Variants in CACNG3 observed in about 807,000 individuals in gnomAD.
CACNG3 encodes the protein calcium voltage-gated channel auxiliary subunit gamma 3.
A neutral mutation model predicts 28.5 loss-of-function variants in CACNG3; 3 were observed. That is an observed-to-expected ratio of 0.11 (90% CI 0.05 to 0.27). CACNG3 has a LOEUF of 0.27. Ranked by LOEUF, CACNG3 falls within the 10% of genes least tolerant of loss-of-function variation. CACNG3 has a pLI of 1.00. For synonymous variants in CACNG3, 174 were observed against 162.2 expected, an observed-to-expected ratio of 1.07 and a Z score of -0.55; for missense variants, 236 against 414.4, an observed-to-expected ratio of 0.57 and a Z score of 3.74.
chr16:24,285,106 G>T (rs1486756930), intron 1 of CACNG3, among the ~76,000 whole-genome samples: 1 of 151,966 alleles, frequency 6.6e-6, no homozygotes, highest in Non-Finnish European at 1.5e-5. Flanking sequence ...CACAAGCTGA[G>T]TAAATGTTGT....
intron 1 of CACNG3, among the ~76,000 whole-genome samples, chr16:24,282,535 A>G (rs1898843857): frequency 6.6e-6 from 1 of 152,006 alleles, no homozygotes; most frequent in South Asian, 2.1e-4. Context: ...TCAACCTCCC[A>G]AAGTGCTGGA....
intron 2 of CACNG3, among the ~76,000 whole-genome samples, chr16:24,354,252 T>C (rs1030804945): frequency 5.9e-5 from 9 of 152,118 alleles, no homozygotes; most frequent in African/African-American, 2.2e-4. Flanking sequence ...CTGTGATCGC[T>C]CTCGATCTAT....
At position 24,315,133 on chromosome 16, in the gene CACNG3, C is replaced by T. The variant is rs78485460; in HGVS notation, c.212-31601C>T. 3.9e-3 allele frequency among the ~76,000 whole-genome samples: 593 copies of T among 152,206 alleles called. 5 individuals carry two copies. Among genetic ancestry groups the T allele is most frequent in the African/African-American group, 0.014 (568 of 41,524 alleles). ...TAGCATCCCTGGTGCCTTTGCAATG[C>T]CTCTCAGAATTATTTTTGGAAATCT... On this transcript the variant is annotated intron_variant, in intron 1 of 3. Transcript: ENST00000005284.
In CACNG3 at chr16:24,346,825, C is replaced by G; in HGVS notation, c.295+8C>G. On this transcript the variant is annotated splice_region_variant and intron_variant, in intron 2 of 3. Coordinates refer to ENST00000005284, the MANE Select transcript of CACNG3 (RefSeq NM_006539.4). ...CAGCCGAATATCTCCTGCGTAAGTT[C>G]CCCGGCTTCTCGGGTCTCTCTGGGA... 1.2e-6 allele frequency: 2 copies of G among 1,611,844 alleles called. No homozygotes were observed. Among genetic ancestry groups the G allele is most frequent in the South Asian group, 1.1e-5 (1 of 91,012 alleles).
intron 1 of CACNG3, among the ~76,000 whole-genome samples, chr16:24,266,310 G>C (rs1003020666): frequency 6.6e-6 from 1 of 152,166 alleles, no homozygotes; most frequent in African/African-American, 2.4e-5. Flanking sequence ...GTTTAGGTAC[G>C]AATACTGTGT....
intron 1 of CACNG3, among the ~76,000 whole-genome samples, chr16:24,327,455 T>TAC (rs751581514): frequency 0.01 from 952 of 91,360 alleles, 28 homozygotes; most frequent in African/African-American, 0.037. Flanking sequence ...TATATATATA[T>TAC]ACACACACAC....
intron 2 of CACNG3, among the ~76,000 whole-genome samples, chr16:24,347,994 G>A (rs1899892160): frequency 1.3e-5 from 2 of 152,170 alleles, no homozygotes; most frequent in African/African-American, 4.8e-5. Context: ...CATGGGATTA[G>A]CAATGCAAAA....
chr16:24,317,849 C>T (rs1259666533), intron 1 of CACNG3, among the ~76,000 whole-genome samples: 1 of 152,174 alleles, frequency 6.6e-6, no homozygotes, highest in African/African-American at 2.4e-5. Flanking sequence ...TTCTGCACCC[C>T]CTGAAGCTTC....
rs535327559 is a variant in CACNG3, at chr16:24,284,901, A to G, written c.211+27936A>G. Among the ~76,000 whole-genome samples the G allele has an allele frequency of 4.6e-5, 7 of 152,160 alleles. No individual in the cohort carries two copies. In the South Asian group the frequency reaches 6.3e-4, roughly 14 times the overall value. On this transcript the variant is annotated intron_variant, in intron 1 of 3. Transcript: ENST00000005284. ...TTCTCAGCAAGTCATTGATAAAATCATTGAAGGGGAAAGGTTGAAGGACAT... is the reference window on the plus strand; with the variant it reads ...TTCTCAGCAAGTCATTGATAAAATCGTTGAAGGGGAAAGGTTGAAGGACAT...
chr16:24,327,455 TACACACAC>T (rs751581514), intron 1 of CACNG3, among the ~76,000 whole-genome samples: 1,209 of 91,334 alleles, frequency 0.013, 34 homozygotes, highest in African/African-American at 0.046. Context: ...TATATATATA[TACACACAC>T]ACACACACAC....
chr16:24,333,281 A>G (rs1031517063), intron 1 of CACNG3: 1 of 152,226 alleles, frequency 6.6e-6, no homozygotes, highest in African/African-American at 2.4e-5. Flanking sequence ...TCAGAAAAAA[A>G]TCAGCATGTT....
intron 1 of CACNG3, among the ~76,000 whole-genome samples, chr16:24,296,054 T>C (rs769655981): frequency 2.6e-5 from 4 of 152,190 alleles, no homozygotes; most frequent in Non-Finnish European, 5.9e-5. Flanking sequence ...TTGCACAAGG[T>C]GCATCACACC....
intron 1 of CACNG3, among the ~76,000 whole-genome samples, chr16:24,283,029 C>T (rs1350153884): frequency 6.6e-6 from 1 of 151,988 alleles, no homozygotes; most frequent in Non-Finnish European, 1.5e-5. Flanking sequence ...CCACCATTCC[C>T]GGGTAATTTT....
intron 3 of CACNG3, among the ~76,000 whole-genome samples, chr16:24,357,560 A>G (rs941419075): frequency 6.6e-6 from 1 of 152,220 alleles, no homozygotes; most frequent in African/African-American, 2.4e-5. Flanking sequence ...GAGACTATCT[A>G]AAGCTGAGTC....
chr16:24,259,207 G>C (rs771497059), intron 1 of CACNG3, among the ~76,000 whole-genome samples: 6 of 152,330 alleles, frequency 3.9e-5, no homozygotes, highest in Non-Finnish European at 8.8e-5. Context: ...AATACAGTAA[G>C]ATGCACAAAT....
intron 1 of CACNG3, among the ~76,000 whole-genome samples, chr16:24,299,531 G>T (rs972210036): frequency 6.6e-6 from 1 of 152,194 alleles, no homozygotes; most frequent in Non-Finnish European, 1.5e-5. Context: ...AGATCTGAGT[G>T]CTGGGTGTGC....
chr16:24,303,654 C>T (rs1449314135), intron 1 of CACNG3, among the ~76,000 whole-genome samples: 1 of 152,020 alleles, frequency 6.6e-6, no homozygotes, highest in East Asian at 1.9e-4. Flanking sequence ...TTTCCTTCAC[C>T]AGAACTTCCT....
chr16:24,299,744 T>C (rs1347106876), intron 1 of CACNG3, among the ~76,000 whole-genome samples: 1 of 152,218 alleles, frequency 6.6e-6, no homozygotes, highest in African/African-American at 2.4e-5. Flanking sequence ...GAATCCAGTA[T>C]GACGTGGTTC....
At chr16:24,310,106 G>A (rs775786964) in intron 1 of CACNG3, among the ~76,000 whole-genome samples, 2 of 152,212 alleles carry the variant, frequency 1.3e-5, no homozygotes, top group African/African-American at 4.8e-5. Flanking sequence ...AAGGAATGGC[G>A]ATGGCTTGGG....
Sources: allele counts gnomAD v4.1 joint callset (sites outside exome capture counted in the v4.1 genomes callset), GRCh38; gene constraint gnomAD v4.1.1; transcripts MANE v1.5; gene names NCBI Gene and HGNC (gene_info 2026-07-23, HGNC 2026-07-21).